The following DNAI7 variants were observed in gnomAD, a reference collection of about 807,000 sequenced individuals.
The protein encoded by DNAI7 is cancer susceptibility 1.
In DNAI7, 78 loss-of-function variants were observed where a neutral mutation model predicts 86.6. That is an observed-to-expected ratio of 0.90 (90% CI 0.75 to 1.09). The LOEUF is 1.09. Among genes scored for constraint, DNAI7 ranks in the 50% least tolerant of loss-of-function variants. The pLI is 0.00. For synonymous variants in DNAI7, 274 were observed against 273.0 expected, an observed-to-expected ratio of 1.00 and a Z score of -0.04; for missense variants, 753 against 810.2, an observed-to-expected ratio of 0.93 and a Z score of 0.86.
chr12:25,169,426 C>T (rs577592679), intron 2 of DNAI7, among the ~76,000 whole-genome samples: 8 of 152,280 alleles, frequency 5.3e-5, no homozygotes, highest in South Asian at 2.1e-4. Flanking sequence ...ACTCTCTTTT[C>T]GGACTCAGCC....
At chr12:25,112,935 C>T (rs1288619806) in intron 13 of DNAI7, among the ~76,000 whole-genome samples, 1 of 152,130 alleles carries the variant, frequency 6.6e-6, no homozygotes, top group East Asian at 1.9e-4. Flanking sequence ...CAGCACAGAT[C>T]TACTAACCTG....
At chr12:25,175,026 G>A (rs1289715483) in intron 2 of DNAI7, among the ~76,000 whole-genome samples, 1 of 151,878 alleles carries the variant, frequency 6.6e-6, no homozygotes, top group Non-Finnish European at 1.5e-5. Flanking sequence ...CTGCTCGGGT[G>A]ATGGGTGAAC....
chr12:25,112,399 GTTTTTT>G (rs10602859), intron 13 of DNAI7, among the ~76,000 whole-genome samples: 5 of 104,298 alleles, frequency 4.8e-5, no homozygotes, highest in Admixed American at 3.3e-4. Context: ...TTCACATCTG[GTTTTTT>G]TTTTTTTTTT....
At chr12:25,190,858 T>C (rs531735017) in intron 1 of DNAI7, among the ~76,000 whole-genome samples, 1 of 152,210 alleles carries the variant, frequency 6.6e-6, no homozygotes, top group African/African-American at 2.4e-5. Flanking sequence ...AAAAACTAAG[T>C]TCACCTACTG....
chr12:25,177,178 C>G (rs1363958015), intron 2 of DNAI7, among the ~76,000 whole-genome samples: 1 of 152,312 alleles, frequency 6.6e-6, no homozygotes, highest in East Asian at 1.9e-4. Flanking sequence ...TCTGGGATTA[C>G]AGGTGTGACC....
At chr12:25,185,947 C>T (rs1949989154) in intron 2 of DNAI7, among the ~76,000 whole-genome samples, 1 of 152,188 alleles carries the variant, frequency 6.6e-6, no homozygotes, top group African/African-American at 2.4e-5. Flanking sequence ...AATCTCTTCA[C>T]AGTTGTATTC....
intron 6 of DNAI7, among the ~76,000 whole-genome samples, chr12:25,153,083 G>A (rs947150755): frequency 1.3e-5 from 2 of 151,454 alleles, no homozygotes; most frequent in Non-Finnish European, 2.9e-5. Flanking sequence ...CTATCTCTTT[G>A]TCTCTGTGCT....
rs1310696650 is a variant in DNAI7, at chr12:25,123,041, A to G, written c.1078+170T>C. ...TAGAAATTAAGAGAGACAGGGATAA[A>G]TTGAGCAAAGAAATCTGTTAACACT... is the stretch of plus-strand genomic sequence containing the variant. On this transcript the variant is annotated intron_variant, in intron 10 of 15. Coordinates refer to ENST00000395987, the MANE Select transcript of DNAI7 (RefSeq NM_018272.5). Among the ~76,000 whole-genome samples the G allele has an allele frequency of 2.0e-5, 3 of 152,318 alleles. No individual in the cohort carries two copies. The East Asian group carries it at 5.8e-4, about 29-fold the overall frequency.
At chr12:25,120,020 G>A (rs768295869) in intron 11 of DNAI7, among the ~76,000 whole-genome samples, 2 of 152,114 alleles carry the variant, frequency 1.3e-5, no homozygotes, top group Non-Finnish European at 2.9e-5. Context: ...TTCAAGGGGA[G>A]AGCATGAAGT....
rs554918253 is a variant in DNAI7, at chr12:25,112,469, T to C, written c.1612-530A>G. ...TCGCCCAGGCTGGAGTGCAGTGGTG[T>C]GATCTTGGCTCACTGCAAGCTCTGC... On this transcript the variant is annotated intron_variant, in intron 13 of 15. Transcript: ENST00000395987. Among the ~76,000 whole-genome samples, 453 of 144,264 alleles carry C rather than the reference T, an allele frequency of 3.1e-3. 2 individuals are homozygous for C. The highest frequency in any genetic ancestry group is 5.6e-3 in the Non-Finnish European group (377 of 66,968). 94.6% of individuals were successfully genotyped at this position (144,264 alleles called of 152,430 possible).
chr12:25,136,413 C>A (rs1371159149), intron 9 of DNAI7, among the ~76,000 whole-genome samples: 4 of 152,110 alleles, frequency 2.6e-5, no homozygotes, highest in South Asian at 2.1e-4. Context: ...GAAAAGCAGC[C>A]CTTGAGCCCC....
rs756331827 is a variant in DNAI7, at chr12:25,111,854, G to A, written c.1697C>T (p.Pro566Leu). Reference sequence around the variant, plus strand: ...AGCTTCTTTCAAAGCAATAATGAAAGGAATAGGAGTCATCCAGGTTCCTTC... The same window carrying A: ...AGCTTCTTTCAAAGCAATAATGAAAAGAATAGGAGTCATCCAGGTTCCTTC... ...ILEGTWMTPIPFIIALKEAGL... is the reference protein window; with the variant it reads ...ILEGTWMTPILFIIALKEAGL... Residue 566 changes from proline (P) to leucine (L), a missense_variant, in exon 14 of 16, where the codon CCT becomes CTT. Pro to Leu is a moderately conservative substitution (Grantham distance 98). Coordinates refer to ENST00000395987, the MANE Select transcript of DNAI7 (RefSeq NM_018272.5). The A allele has an allele frequency of 5.0e-6, 8 of 1,604,644 alleles. No individual in the cohort carries two copies. The highest frequency in any genetic ancestry group is 4.3e-6 in the Non-Finnish European group (5 of 1,174,602).
At position 25,108,838 on chromosome 12, in the gene DNAI7, A is replaced by AAAAAAAAAAAAAAAAAT; in HGVS notation, c.1894-16_1894-15insATTTTTTTTTTTTTTTT. 1.8e-6 allele frequency: 2 copies of AAAAAAAAAAAAAAAAAT among 1,116,152 alleles called. No homozygotes were observed. The highest frequency in any genetic ancestry group is 1.2e-6 in the Non-Finnish European group (1 of 816,976). 69.1% of individuals were successfully genotyped at this position (1,116,152 alleles called of 1,614,324 possible). A position where few individuals can be genotyped will look rare whatever the true frequency, so the allele number is the denominator to read the frequency against. On this transcript the variant is annotated splice_polypyrimidine_tract_variant and intron_variant, in intron 15 of 15. Transcript: ENST00000395987. ...TGTTCCCTCACCTAAAAAAAAAAAA[A>AAAAAAAAAAAAAAAAAT]ATTCAAGCAAGTTGTTAATAATTCC...
intron 2 of DNAI7, among the ~76,000 whole-genome samples, chr12:25,161,693 C>A (rs1183778312): frequency 6.6e-6 from 1 of 152,156 alleles, no homozygotes; most frequent in Non-Finnish European, 1.5e-5. Flanking sequence ...GTATTTAAAT[C>A]TGTGCTCAAA....
intron 2 of DNAI7, among the ~76,000 whole-genome samples, chr12:25,164,189 A>C (rs1306795037): frequency 2.5e-5 from 3 of 121,888 alleles, no homozygotes; most frequent in African/African-American, 6.6e-5. Flanking sequence ...CTCCATGTCT[A>C]CCCCTTCTCC....
In DNAI7 at chr12:25,111,763, C is replaced by G. The variant is rs748679763; in HGVS notation, c.1779+9G>C. ...ACGCCACATTAAATTTGGAAAGATT[C>G]ATTCTTGCCTTATTGTTTATAATAA... On this transcript the variant is annotated intron_variant, in intron 14 of 15. Transcript: ENST00000395987. 9 of 1,538,046 alleles carry G rather than the reference C, an allele frequency of 5.9e-6. No homozygotes were observed. Among genetic ancestry groups the G allele is most frequent in the Non-Finnish European group, 7.9e-6 (9 of 1,144,424 alleles).
At chr12:25,125,118 C>A (rs1222487982) in intron 9 of DNAI7, among the ~76,000 whole-genome samples, 1 of 152,102 alleles carries the variant, frequency 6.6e-6, no homozygotes, top group Admixed American at 6.5e-5. Flanking sequence ...GATTTATATT[C>A]CTCTGAGTAT....
intron 2 of DNAI7, among the ~76,000 whole-genome samples, chr12:25,180,711 C>T (rs1949413944): frequency 6.6e-6 from 1 of 152,146 alleles, no homozygotes; most frequent in Admixed American, 6.5e-5. Context: ...ATAAATGATG[C>T]TAGGAAAACT....
chr12:25,145,193 A>G (rs1944675173), intron 8 of DNAI7, among the ~76,000 whole-genome samples: 1 of 152,220 alleles, frequency 6.6e-6, no homozygotes, highest in African/African-American at 2.4e-5. Context: ...GGAAGAATCT[A>G]TGACTCCCAA....
Sources: gnomAD v4.1 joint callset for allele counts (sites outside exome capture counted in the v4.1 genomes callset) on GRCh38, gnomAD v4.1.1 for gene constraint, MANE v1.5 for transcripts, NCBI Gene and HGNC (gene_info 2026-07-23, HGNC 2026-07-21) for gene names.